Variants in IRF8 observed in about 807,000 individuals in gnomAD.
The protein encoded by IRF8 is interferon regulatory factor 8.
A neutral mutation model predicts 48.7 loss-of-function variants in IRF8; 14 were observed. The ratio of observed to expected loss-of-function variants is 0.29; its 90% confidence interval spans 0.19 to 0.45. IRF8 has a LOEUF of 0.45. Among genes scored for constraint, IRF8 ranks in the 20% least tolerant of loss-of-function variants. The pLI, the probability that IRF8 is intolerant of heterozygous loss-of-function variation, is 1.00. For missense variants in IRF8, 493 were observed against 580.7 expected, an observed-to-expected ratio of 0.85 and a Z score of 1.55; for synonymous variants, 278 against 227.3, an observed-to-expected ratio of 1.22 and a Z score of -2.01.
In IRF8 at chr16:85,921,100, A is replaced by G. The variant is rs778862798; in HGVS notation, c.1105-6A>G. Reference sequence around the variant, plus strand: ...CTGCCTCTGACTTTCTGCACCTCCCATCTAGATTGAGCAGCTGTATGTCCG... The same window carrying G: ...CTGCCTCTGACTTTCTGCACCTCCCGTCTAGATTGAGCAGCTGTATGTCCG... On this transcript the variant is annotated splice_polypyrimidine_tract_variant and splice_region_variant and intron_variant, in intron 8 of 8. Coordinates refer to ENST00000268638, the MANE Select transcript of IRF8 (RefSeq NM_002163.4). 1.3e-5 allele frequency: 21 copies of G among 1,610,790 alleles called. No individual in the cohort carries two copies. The highest frequency in any genetic ancestry group is 1.7e-5 in the Non-Finnish European group (20 of 1,178,512).
Position 85,903,190 on chromosome 16 carries a change from G to T in IRF8, c.174+1G>T. On this transcript the variant is annotated splice_donor_variant, in intron 2 of 8. Transcript: ENST00000268638. LOFTEE classifies it high-confidence loss of function. ...GGAAGTGGATGCCTCCATTTTTAAG[G>T]TAAAGAGCCCAGCTCCCTTCCCCAC... The T allele has an allele frequency of 6.2e-7, 1 of 1,613,380 alleles. No homozygotes were observed.
intron 5 of IRF8, among the ~76,000 whole-genome samples, chr16:85,913,505 G>A (rs1474028965): frequency 2.0e-5 from 3 of 151,396 alleles, no homozygotes; most frequent in South Asian, 2.1e-4. Context: ...CTCTCCCCAC[G>A]CTCCTGGGAA....
intron 3 of IRF8, chr16:85,909,667 C>G (rs1321689218): frequency 5.5e-6 from 1 of 182,768 alleles, no homozygotes; most frequent in African/African-American, 2.4e-5. Flanking sequence ...GGGATGTGAT[C>G]ATTCCTGAGG....
At chr16:85,899,600 C>T (rs1597247384) in intron 1 of IRF8, among the ~76,000 whole-genome samples, 2 of 152,262 alleles carry the variant, frequency 1.3e-5, no homozygotes, top group East Asian at 1.9e-4. Context: ...TGGAATAATG[C>T]TTGGAGGGTC....
chr16:85,918,378 C>T lies in IRF8; in HGVS notation c.602-39C>T, dbSNP rs746720474. 7 of 1,587,088 alleles carry T rather than the reference C, an allele frequency of 4.4e-6. No individual in the cohort carries two copies. In the East Asian group the frequency reaches 1.1e-4, roughly 25 times the overall value. On this transcript the variant is annotated intron_variant, in intron 6 of 8. Transcript: ENST00000268638. The stretch of plus-strand genomic sequence containing the variant: ...CTTGGGCAGGAGGGACCCTGTATGT[C>T]TCCCCGCAGCACCGTCATCGTGTCC...
chr16:85,907,529 T>G (rs1021505021), intron 2 of IRF8, among the ~76,000 whole-genome samples: 17 of 152,178 alleles, frequency 1.1e-4, no homozygotes, highest in African/African-American at 3.9e-4. Context: ...AATACAAAAA[T>G]TAGCTGGGTA....
Position 85,921,460 on chromosome 16 carries a change from AG to A in IRF8, c.*179del. ...GACGTTTAATACGAAGTGGCGGCAT[AG>A]CCCTGCCGAGATGTCGGTGATGGCC... On this transcript the variant is annotated 3_prime_UTR_variant, in exon 9 of 9. Coordinates refer to ENST00000268638, the MANE Select transcript of IRF8 (RefSeq NM_002163.4). 1.4e-6 allele frequency: 1 copy of A among 695,414 alleles called. No individual in the cohort carries two copies. Among genetic ancestry groups the A allele is most frequent in the Admixed American group, 2.2e-5 (1 of 44,602 alleles). The allele number at this position is 695,414 out of a possible 1,614,324, so 43.1% of individuals were successfully genotyped here.
intron 1 of IRF8, 141 bp downstream of exon 1, chr16:85,899,364 C>G (rs188946236): frequency 6.6e-6 from 1 of 152,404 alleles, no homozygotes; most frequent in African/African-American, 2.4e-5. Context: ...GTGTCCCTCT[C>G]TGCTTTTTGC....
intron 3 of IRF8, among the ~76,000 whole-genome samples, chr16:85,910,801 TTAATC>T (rs1458305556): frequency 6.6e-6 from 1 of 152,246 alleles, no homozygotes; most frequent in Non-Finnish European, 1.5e-5. Context: ...AGTGAATTCT[TTAATC>T]TATCGAAATG....
At chr16:85,906,641 C>T (rs752899108) in intron 2 of IRF8, among the ~76,000 whole-genome samples, 6 of 152,140 alleles carry the variant, frequency 3.9e-5, no homozygotes, top group South Asian at 2.1e-4. Flanking sequence ...GCAGGCACCG[C>T]GGTTGCGTAT....
At chr16:85,916,512 C>T (rs914836453) in intron 6 of IRF8, among the ~76,000 whole-genome samples, 1 of 152,198 alleles carries the variant, frequency 6.6e-6, no homozygotes, top group Non-Finnish European at 1.5e-5. Flanking sequence ...CTGTCAGGTA[C>T]AAGCCTGACA....
At chr16:85,899,921 T>C (rs535917600) in intron 1 of IRF8, among the ~76,000 whole-genome samples, 1 of 152,332 alleles carries the variant, frequency 6.6e-6, no homozygotes, top group African/African-American at 2.4e-5. Context: ...GCTTTACGGA[T>C]GGAAACTAGA....
At chr16:85,918,063 A>G (rs945463062) in intron 6 of IRF8, among the ~76,000 whole-genome samples, 2 of 152,172 alleles carry the variant, frequency 1.3e-5, no homozygotes, top group African/African-American at 2.4e-5. Context: ...GAGACGGAGT[A>G]TTGTCATAAG....
Position 85,914,505 on chromosome 16 carries a change from G to A in IRF8, c.586G>A (p.Asp196Asn), listed in dbSNP as rs1464758366. 11 of 1,613,982 alleles carry A rather than the reference G, an allele frequency of 6.8e-6. No individual in the cohort carries two copies. Among genetic ancestry groups the A allele is most frequent in the Admixed American group, 5.0e-5 (3 of 60,008 alleles). ...GCTGGTGACGGGGTACACCACCTAC[G>A]ACGCGCACCATTCAGGTACGGGGTG... ...VPLVTGYTTYDAHHSAFSQMV... is the reference protein window; with the variant it reads ...VPLVTGYTTYNAHHSAFSQMV... Residue 196 changes from aspartate (D) to asparagine (N), a missense_variant, in exon 6 of 9, where the codon GAC (aspartate) becomes AAC (asparagine). Transcript: ENST00000268638.
At chr16:85,901,813 T>C (rs1468257808) in intron 1 of IRF8, among the ~76,000 whole-genome samples, 1 of 152,202 alleles carries the variant, frequency 6.6e-6, no homozygotes, top group East Asian at 1.9e-4. Flanking sequence ...ATATTTTGCT[T>C]TCTGGACCAG....
intron 3 of IRF8, chr16:85,909,993 G>A (rs1905100557): frequency 6.6e-6 from 1 of 152,236 alleles, no homozygotes; most frequent in African/African-American, 2.4e-5. Flanking sequence ...GTCCACGAAT[G>A]CCTGTAAGAA....
chr16:85,903,994 C>G lies in IRF8; in HGVS notation c.174+805C>G, dbSNP rs549219834. 1.5e-4 allele frequency among the ~76,000 whole-genome samples: 23 copies of G among 152,338 alleles called. No homozygotes were observed. In the South Asian group the frequency reaches 4.8e-3, roughly 32 times the overall value. The stretch of plus-strand genomic sequence containing the variant: ...TCTTGCCATTACACCTAGATTCAGA[C>G]AGAGGAACCAGGAATTAGGGCAGCC... On this transcript the variant is annotated intron_variant, in intron 2 of 8. Transcript: ENST00000268638.
At chr16:85,911,733 G>A in intron 4 of IRF8, 75 bp downstream of exon 4, 2 of 1,294,552 alleles carry the variant, frequency 1.5e-6, no homozygotes, top group East Asian at 2.3e-5. Context: ...GAGGGGCACC[G>A]TTCTTGCTGT....
Position 85,918,686 on chromosome 16 carries a change from C to A in IRF8, c.871C>A (p.Arg291=). Residue 291 remains arginine (R), a synonymous_variant, in exon 7 of 9, where the codon CGG becomes AGG. Transcript: ENST00000268638. ...HSSRQGVFVK[R]LCQGRVFCSG... ...CAGCCGGCAGGGCGTGTTCGTCAAGCGGCTGTGCCAGGGCCGCGTGTTCTG... is the reference window on the plus strand; with the variant it reads ...CAGCCGGCAGGGCGTGTTCGTCAAGAGGCTGTGCCAGGGCCGCGTGTTCTG... 1 of 1,611,754 alleles carries A rather than the reference C, an allele frequency of 6.2e-7. No homozygotes were observed. Among genetic ancestry groups the A allele is most frequent in the South Asian group, 1.1e-5 (1 of 91,062 alleles).
Sources: gnomAD v4.1 joint callset for allele counts (sites outside exome capture counted in the v4.1 genomes callset) on GRCh38, gnomAD v4.1.1 for gene constraint, MANE v1.5 for transcripts, NCBI Gene and HGNC (gene_info 2026-07-23, HGNC 2026-07-21) for gene names.